IQCM: variants seen among roughly 807,000 people sequenced by gnomAD.
IQCM encodes the protein IQ motif containing M.
IQCM carries 45 observed loss-of-function variants against 57.6 expected under a neutral mutation model. The ratio of observed to expected loss-of-function variants is 0.78; its 90% CI spans 0.62 to 1.00. The LOEUF is 1.00. Among genes scored for constraint, IQCM ranks in the 50% least tolerant of loss-of-function variants. The pLI, the probability that IQCM is intolerant of heterozygous loss-of-function variation, is 0.00. For synonymous variants in IQCM, 148 were observed against 158.9 expected (o/e 0.93, Z 0.51); for missense variants, 468 against 511.6 (o/e 0.91, Z 0.82).
At chr4:149,427,418 A>G (rs183049364) in intron 13 of IQCM, among the ~76,000 whole-genome samples, 151 of 152,018 alleles carry the variant, frequency 9.9e-4, no homozygotes, top group Middle Eastern at 6.8e-3. Flanking sequence ...TATCTAATAG[A>G]CCTGGTGCCA....
intron 12 of IQCM, among the ~76,000 whole-genome samples, chr4:149,540,204 A>T (rs1253417520): frequency 6.6e-6 from 1 of 151,436 alleles, no homozygotes; most frequent in Non-Finnish European, 1.5e-5. Flanking sequence ...GCCTTAAGGG[A>T]AACCAAATCA....
At chr4:149,388,029 A>C (rs747888704) in intron 13 of IQCM, among the ~76,000 whole-genome samples, 1 of 152,012 alleles carries the variant, frequency 6.6e-6, no homozygotes, top group Non-Finnish European at 1.5e-5. Context: ...CATCATTTTG[A>C]TTGCTGAACA....
intron 5 of IQCM, among the ~76,000 whole-genome samples, chr4:149,713,628 C>T (rs753598812): frequency 6.6e-6 from 1 of 152,146 alleles, no homozygotes; most frequent in African/African-American, 2.4e-5. Flanking sequence ...TTTTTTGCTT[C>T]CTATTTCATT....
At chr4:149,802,247 CT>C (rs946650771) in intron 2 of IQCM, among the ~76,000 whole-genome samples, 3 of 151,054 alleles carry the variant, frequency 2.0e-5, no homozygotes, top group African/African-American at 7.3e-5. Flanking sequence ...AAAAAAAAAA[CT>C]TTTCATCTGA....
intron 13 of IQCM, among the ~76,000 whole-genome samples, chr4:149,426,958 T>C (rs1734503161): frequency 6.6e-6 from 1 of 152,008 alleles, no homozygotes; most frequent in Non-Finnish European, 1.5e-5. Flanking sequence ...ATCAACAGCC[T>C]GCTTTGCTCA....
intron 10 of IQCM, among the ~76,000 whole-genome samples, chr4:149,556,970 A>G (rs138658967): frequency 0.013 from 1,959 of 152,332 alleles, 22 homozygotes; most frequent in Non-Finnish European, 0.02. Context: ...ATTGCTCAGT[A>G]CAGAAACTGT....
At chr4:149,780,174 G>A (rs1439735603) in intron 2 of IQCM, 5 of 152,104 alleles carry the variant, frequency 3.3e-5, no homozygotes, top group Non-Finnish European at 5.9e-5. Context: ...GTCCCTACAA[G>A]TGAGGAGTAA....
chr4:149,694,941 T>C (rs1226192195), intron 5 of IQCM, among the ~76,000 whole-genome samples: 1 of 152,240 alleles, frequency 6.6e-6, no homozygotes, highest in Non-Finnish European at 1.5e-5. Context: ...AGACCCACTA[T>C]TTAAATTTTA....
At chr4:149,470,149 A>C (rs2149726315) in intron 12 of IQCM, among the ~76,000 whole-genome samples, 1 of 152,346 alleles carries the variant, frequency 6.6e-6, no homozygotes, top group East Asian at 1.9e-4. Context: ...TAAATGGGCT[A>C]AATGCTCCAA....
chr4:149,583,556 A>G (rs566723854), intron 9 of IQCM, among the ~76,000 whole-genome samples: 2 of 151,690 alleles, frequency 1.3e-5, no homozygotes. Flanking sequence ...ATAGTAATCT[A>G]CAAAGCATTA....
chr4:149,677,833 T>G (rs1471417752), intron 7 of IQCM, among the ~76,000 whole-genome samples: 2 of 151,854 alleles, frequency 1.3e-5, no homozygotes, highest in African/African-American at 2.4e-5. Flanking sequence ...ACAAAGAGAT[T>G]GAAATAATTT....
chr4:149,670,006 A>C (rs6834510), intron 7 of IQCM, among the ~76,000 whole-genome samples: 30,752 of 152,006 alleles, frequency 0.2, 3,585 homozygotes, highest in South Asian at 0.34. Flanking sequence ...TTTTCCAATT[A>C]TTTGAAGAAA....
Position 149,683,616 on chromosome 4 carries a change from G to A in IQCM, c.477-1410C>T, listed in dbSNP as rs114647417. Among the ~76,000 whole-genome samples the A allele has an allele frequency of 6.0e-3, 905 of 151,340 alleles. 13 individuals carry two copies. The highest frequency in any genetic ancestry group is 0.021 in the African/African-American group (868 of 41,452). ...AAAATTCCATTTGAAATTCTATAAC[G>A]TTTTTATATATCACCAAGAATGGGG... On this transcript the variant is annotated intron_variant, in intron 6 of 13. Transcript: ENST00000636793.
At chr4:149,399,930 C>A (rs892441306) in intron 13 of IQCM, among the ~76,000 whole-genome samples, 12 of 151,928 alleles carry the variant, frequency 7.9e-5, no homozygotes, top group African/African-American at 2.9e-4. Flanking sequence ...TAGAAAAACA[C>A]CCTGTCATTT....
chr4:149,715,448 C>T (rs1764910033), intron 5 of IQCM, among the ~76,000 whole-genome samples: 1 of 152,152 alleles, frequency 6.6e-6, no homozygotes, highest in African/African-American at 2.4e-5. Flanking sequence ...CTTGGAGATG[C>T]CAGGAATCAC....
At chr4:149,761,206 TA>T (rs1286488208) in intron 2 of IQCM, among the ~76,000 whole-genome samples, 2 of 152,106 alleles carry the variant, frequency 1.3e-5, no homozygotes, top group African/African-American at 4.8e-5. Context: ...ACTAAATACT[TA>T]AAAAATCATA....
rs563918948 is a variant in IQCM, at chr4:149,541,211, G to T, written c.1228+7244C>A. Among the ~76,000 whole-genome samples the T allele has an allele frequency of 1.8e-4, 27 of 152,248 alleles. No homozygotes were observed. In the East Asian group the frequency reaches 4.8e-3, roughly 27 times the overall value. On this transcript the variant is annotated intron_variant, in intron 12 of 13. Transcript: ENST00000636793. ...GACAAAGCTGTGGTCTGAGGAACAG[G>T]AGGCTCAGGAAATAGTTACAGTTTG...
intron 2 of IQCM, among the ~76,000 whole-genome samples, chr4:149,762,877 C>G (rs1769668997): frequency 6.6e-6 from 1 of 151,930 alleles, no homozygotes; most frequent in African/African-American, 2.4e-5. Flanking sequence ...TAATCTGTTG[C>G]CACATAGCAA....
intron 7 of IQCM, among the ~76,000 whole-genome samples, chr4:149,672,432 A>C (rs1470179851): frequency 3.9e-5 from 6 of 152,178 alleles, no homozygotes; most frequent in Non-Finnish European, 2.9e-5. Flanking sequence ...AAGACCTTAA[A>C]TGACTTAATG....
Sources: gnomAD v4.1 joint callset for allele counts (sites outside exome capture counted in the v4.1 genomes callset) on GRCh38, gnomAD v4.1.1 for gene constraint, MANE v1.5 for transcripts, NCBI Gene and HGNC (gene_info 2026-07-23, HGNC 2026-07-21) for gene names.